ZFAT: variants seen among roughly 807,000 people sequenced by gnomAD.
ZFAT encodes zinc finger protein ZFAT.
A neutral mutation model predicts 117.7 loss-of-function variants in ZFAT; 64 were observed. The ratio of observed to expected loss-of-function variants is 0.54; its 90% CI spans 0.44 to 0.67. The LOEUF is 0.67. Among genes scored for constraint, ZFAT ranks in the 30% least tolerant of loss-of-function variants. ZFAT has a pLI of 0.00. For missense variants in ZFAT, 1,433 were observed against 1,584.5 expected (o/e 0.90, Z 1.62); for synonymous variants, 679 against 615.0 (o/e 1.10, Z -1.54).
rs530732359 is a variant in ZFAT at position 134,560,996 on chromosome 8, T to C, written c.2976+4337A>G. Among the ~76,000 whole-genome samples the C allele has an allele frequency of 1.3e-3, 193 of 152,402 alleles. 1 individual carries two copies. Among genetic ancestry groups the C allele is most frequent in the South Asian group, 3.5e-3 (17 of 4,830 alleles). ...TCCTAGGGAATGCATTTTAATTGCA[T>C]CTGCAAGAAGAGAAAATAACATCTT... On this transcript the variant is annotated intron_variant, in intron 11 of 15. Transcript: ENST00000377838.
chr8:134,588,313 G>A lies in ZFAT; in HGVS notation c.2646C>T (p.Cys882=). The A allele has an allele frequency of 1.3e-6, 2 of 1,584,958 alleles. No individual in the cohort carries two copies. Among genetic ancestry groups the A allele is most frequent in the Non-Finnish European group, 1.7e-6 (2 of 1,164,552 alleles). The change falls in exon 9 of 16, where the codon TGC becomes TGT. Residue 882 remains cysteine, a synonymous_variant. Transcript: ENST00000377838. ...KGLIGKRAMK[C]PYCDFYFMKN... is the part of the protein sequence containing the mutation. ...TCATGAAATAAAAGTCACAATATGG[G>A]CATTTCATGGCTCTCTTTCCAATTA...
At chr8:134,603,753 G>A (rs557882949) in intron 5 of ZFAT, among the ~76,000 whole-genome samples, 1 of 152,232 alleles carries the variant, frequency 6.6e-6, no homozygotes, top group African/African-American at 2.4e-5. Flanking sequence ...CTGGGCCTCT[G>A]TGAGCCTGGC....
the ZFAT span, among the ~76,000 whole-genome samples, chr8:134,769,529 C>T: frequency 4.6e-5 from 7 of 152,314 alleles, no homozygotes; most frequent in Non-Finnish European, 8.8e-5. Context: ...TCCCTCCCAG[C>T]TACTTTCATT....
intron 10 of ZFAT, among the ~76,000 whole-genome samples, chr8:134,571,477 C>A (rs1172365295): frequency 1.3e-5 from 2 of 152,226 alleles, no homozygotes; most frequent in Non-Finnish European, 2.9e-5. Flanking sequence ...CTGTCAACTG[C>A]AACCAATATG....
chr8:134,678,220 C>T (rs1259865444), intron 1 of ZFAT, among the ~76,000 whole-genome samples: 3 of 152,204 alleles, frequency 2.0e-5, no homozygotes, highest in African/African-American at 4.8e-5. Flanking sequence ...CCAAAATCTC[C>T]TTAAGCTGAT....
chr8:134,533,102 T>C (rs1431335354), intron 11 of ZFAT, 130 bp from the exon 12 acceptor site: 10 of 1,369,626 alleles, frequency 7.3e-6, no homozygotes, highest in Non-Finnish European at 9.8e-6. Flanking sequence ...TGTGATATGT[T>C]CTAGGGAAAA....
At chr8:134,696,842 A>G (rs1429047488) in intron 1 of ZFAT, among the ~76,000 whole-genome samples, 1 of 152,238 alleles carries the variant, frequency 6.6e-6, no homozygotes, top group Non-Finnish European at 1.5e-5. Context: ...CAGCGTCTAG[A>G]AAAACTTGGA....
At chr8:134,714,107 GCCCC>G (rs34806943), upstream of ZFAT, among the ~76,000 whole-genome samples, 34 of 94,426 alleles carry the variant, frequency 3.6e-4, no homozygotes, top group Middle Eastern at 6.3e-3. Context: ...GCAAAGACAT[GCCCC>G]CCCCCCCCCA....
intron 6 of ZFAT, among the ~76,000 whole-genome samples, 200 bp from the exon 7 acceptor site, chr8:134,600,868 T>A (rs934279987): frequency 6.6e-6 from 1 of 152,232 alleles, no homozygotes; most frequent in African/African-American, 2.4e-5. Flanking sequence ...GGTGCTACTA[T>A]TTTTTGCATG....
chr8:134,621,459 G>T (rs969579961), intron 3 of ZFAT, among the ~76,000 whole-genome samples: 9 of 152,132 alleles, frequency 5.9e-5, no homozygotes, highest in Non-Finnish European at 1.3e-4. Flanking sequence ...CATGGCATGT[G>T]TTTTTAACCA....
In ZFAT at chr8:134,588,373, A is replaced by G. The variant is rs773168078; in HGVS notation, c.2586T>C (p.Ser862=). The part of the protein sequence containing the change: ...NHPEVSMSTI[S]EVLGRRVQLK... ...GCTGAACCCTCCTCCCGAGAACCTC[A>G]GAAATGGTGCTCATGGAGACCTCTA... The change falls in exon 9 of 16, where the codon TCT becomes TCC. Residue 862 remains serine, a synonymous_variant. Transcript: ENST00000377838. The G allele has an allele frequency of 1.3e-6, 2 of 1,592,178 alleles. No homozygotes were observed. The highest frequency in any genetic ancestry group is 3.5e-5 in the Admixed American group (2 of 57,206).
At chr8:134,713,319 G>T (rs1016677629), upstream of ZFAT, among the ~76,000 whole-genome samples, 1 of 152,262 alleles carries the variant, frequency 6.6e-6, no homozygotes, top group African/African-American at 2.4e-5. Context: ...GGCATGTGGG[G>T]CCGCCGAGCT....
At chr8:134,782,778 A>C in the ZFAT span, among the ~76,000 whole-genome samples, 34 of 152,024 alleles carry the variant, frequency 2.2e-4, no homozygotes, top group Non-Finnish European at 4.0e-4. Flanking sequence ...GAGTCCATTA[A>C]ACCTCTTTTT....
intron 3 of ZFAT, among the ~76,000 whole-genome samples, chr8:134,636,786 C>T (rs1463094983): frequency 3.9e-5 from 6 of 152,250 alleles, no homozygotes; most frequent in Non-Finnish European, 8.8e-5. Flanking sequence ...GACACACTAC[C>T]CCACAGCAAC....
intron 13 of ZFAT, among the ~76,000 whole-genome samples, chr8:134,516,979 T>G (rs1188495270): frequency 6.6e-6 from 1 of 152,204 alleles, no homozygotes; most frequent in Non-Finnish European, 1.5e-5. Flanking sequence ...TTTTTCCAAA[T>G]ATCATTATAA....
intron 12 of ZFAT, among the ~76,000 whole-genome samples, chr8:134,521,977 C>T (rs1171202580): frequency 2.0e-5 from 3 of 152,260 alleles, no homozygotes; most frequent in South Asian, 2.1e-4. Context: ...TCCTTCTCTG[C>T]CATGTCTTCT....
chr8:134,650,098 T>G (rs1280480155), intron 2 of ZFAT, among the ~76,000 whole-genome samples: 1 of 152,058 alleles, frequency 6.6e-6, no homozygotes, highest in Non-Finnish European at 1.5e-5. Context: ...TATGAGTCAA[T>G]TAAACCTCTT....
chr8:134,617,234 C>A (rs982821714), intron 3 of ZFAT, among the ~76,000 whole-genome samples: 1 of 152,196 alleles, frequency 6.6e-6, no homozygotes, highest in Middle Eastern at 3.2e-3. Context: ...CATGCACCCA[C>A]ACACCTGGAG....
chr8:134,793,183 T>C, the ZFAT span: 1 of 152,184 alleles, frequency 6.6e-6, no homozygotes, highest in Non-Finnish European at 1.5e-5. Context: ...TTTATAAATA[T>C]GAGTAAACCC....
Sources: allele counts gnomAD v4.1 joint callset (sites outside exome capture counted in the v4.1 genomes callset), GRCh38; gene constraint gnomAD v4.1.1; transcripts MANE v1.5; gene names NCBI Gene and HGNC (gene_info 2026-07-23, HGNC 2026-07-21).